TTC7B: variants seen among roughly 807,000 people sequenced by gnomAD.
TTC7B encodes tetratricopeptide repeat domain 7B.
TTC7B carries 28 observed loss-of-function variants against 106.8 expected under a neutral mutation model. The ratio of observed to expected loss-of-function variants is 0.26; its 90% CI spans 0.19 to 0.36. The LOEUF (loss-of-function observed/expected upper bound fraction) is 0.36, where lower values mean the gene tolerates loss of function less well. Among genes scored for constraint, TTC7B ranks in the 10% least tolerant of loss-of-function variants. The pLI is 1.00. For missense variants in TTC7B, 862 were observed against 1,076.4 expected (o/e 0.80, Z 2.79); for synonymous variants, 405 against 430.6 (o/e 0.94, Z 0.74).
Position 90,539,216 on chromosome 14 carries a change from C to G in TTC7B, c.*2152G>C, listed in dbSNP as rs17126875. ...GGAGATGAAGACAATGGAGAGGTGC[C>G]GGGCAGACACACAGGAGCCAGCCCC... On this transcript the variant is annotated 3_prime_UTR_variant, in exon 20 of 20. Coordinates refer to ENST00000328459, the MANE Select transcript of TTC7B (RefSeq NM_001010854.2). 1 of 152,392 alleles carries G rather than the reference C, an allele frequency of 6.6e-6. No homozygotes were observed. Among genetic ancestry groups the G allele is most frequent in the African/African-American group, 2.4e-5 (1 of 41,436 alleles). The allele number at this position is 152,392 out of a possible 1,614,324, so 9.4% of individuals were successfully genotyped here.
At chr14:90,548,034 A>G (rs1307637621) in intron 19 of TTC7B, among the ~76,000 whole-genome samples, 1 of 152,198 alleles carries the variant, frequency 6.6e-6, no homozygotes, top group African/African-American at 2.4e-5. Context: ...TTCCCCAGGC[A>G]TAATGTTTTG....
At chr14:90,766,135 G>T (rs11851083) in intron 3 of TTC7B, among the ~76,000 whole-genome samples, 1,830 of 143,452 alleles carry the variant, frequency 0.013, 52 homozygotes, top group African/African-American at 0.044. Context: ...AGCCTACAAC[G>T]TTTTTTTTTT....
chr14:90,599,063 A>G (rs1183925567), intron 17 of TTC7B, among the ~76,000 whole-genome samples: 3 of 152,222 alleles, frequency 2.0e-5, no homozygotes, highest in African/African-American at 7.2e-5. Flanking sequence ...AGGCAGGAGA[A>G]TCGGTTGAAC....
chr14:90,772,802 T>A (rs764409036), intron 3 of TTC7B: 2 of 151,974 alleles, frequency 1.3e-5, no homozygotes, highest in African/African-American at 4.8e-5. Flanking sequence ...CAAAACCTCA[T>A]CTCTAGAAAA....
intron 18 of TTC7B, among the ~76,000 whole-genome samples, chr14:90,580,852 C>T (rs949976900): frequency 2.0e-5 from 3 of 152,320 alleles, no homozygotes; most frequent in African/African-American, 4.8e-5. Flanking sequence ...CCCTGGCAGG[C>T]GCTGGGGCAG....
chr14:90,799,819 A>G (rs2030136263), intron 1 of TTC7B, among the ~76,000 whole-genome samples: 1 of 151,914 alleles, frequency 6.6e-6, no homozygotes, highest in Non-Finnish European at 1.5e-5. Context: ...AAATGCTCTG[A>G]TTTAAGTTTT....
At chr14:90,661,964 A>C (rs149096659) in intron 9 of TTC7B, among the ~76,000 whole-genome samples, 3 of 152,332 alleles carry the variant, frequency 2.0e-5, no homozygotes, top group Admixed American at 2.0e-4. Context: ...ATTGGTATAG[A>C]ACTGCATTCC....
chr14:90,573,388 T>C (rs1891111180), intron 19 of TTC7B, among the ~76,000 whole-genome samples: 2 of 145,412 alleles, frequency 1.4e-5, no homozygotes, highest in African/African-American at 5.2e-5. Context: ...TCACGGTCCC[T>C]CTCCGGCTCA....
chr14:90,554,640 G>A (rs1437166813), intron 19 of TTC7B, among the ~76,000 whole-genome samples: 1 of 152,206 alleles, frequency 6.6e-6, no homozygotes, highest in Non-Finnish European at 1.5e-5. Context: ...GTTTGCTGTG[G>A]GTCCTGCCCC....
chr14:90,755,265 G>A (rs1286210571), intron 3 of TTC7B, among the ~76,000 whole-genome samples: 4 of 152,146 alleles, frequency 2.6e-5, no homozygotes, highest in Admixed American at 6.5e-5. Context: ...GGACCACGTG[G>A]TAACCTGTCT....
chr14:90,543,342 G>A (rs1010959768), intron 19 of TTC7B, among the ~76,000 whole-genome samples: 1 of 152,074 alleles, frequency 6.6e-6, no homozygotes, highest in African/African-American at 2.4e-5. Context: ...GCAGAGTGAT[G>A]GATTCCTCCT....
At chr14:90,609,172 T>G (rs916616361) in intron 17 of TTC7B, among the ~76,000 whole-genome samples, 2 of 152,226 alleles carry the variant, frequency 1.3e-5, no homozygotes, top group African/African-American at 2.4e-5. Flanking sequence ...CTGCCTGGTG[T>G]GCAGTCTAAG....
chr14:90,543,947 C>T (rs751189654), intron 19 of TTC7B, among the ~76,000 whole-genome samples: 7 of 152,322 alleles, frequency 4.6e-5, no homozygotes, highest in Middle Eastern at 3.4e-3. Context: ...AAGTGGCATC[C>T]AAGAGCCTGA....
rs2030318570 is a variant in TTC7B, at chr14:90,802,207, A to C, written c.121+13968T>G. On this transcript the variant is annotated intron_variant, in intron 1 of 19. Transcript: ENST00000328459. This position sits in a 1 kb window ranked among gnomAD's most constrained non-coding sequence, Gnocchi z 4.7. Reference sequence around the variant, plus strand: ...GGCATCTCAGGGGACTGCGGGGTACAAGCCTAACTCACTGGACTGAGGGTT... The same window carrying C: ...GGCATCTCAGGGGACTGCGGGGTACCAGCCTAACTCACTGGACTGAGGGTT... 6.6e-6 allele frequency among the ~76,000 whole-genome samples: 1 copy of C among 152,190 alleles called. No homozygotes were observed. The highest frequency in any genetic ancestry group is 2.1e-4 in the South Asian group (1 of 4,828).
chr14:90,526,056 G>A lies in TTC7B; in HGVS notation c.*15312C>T, dbSNP rs1362659162. ...CTTTTCTCTGGGGTACATACTAAGA[G>A]AGGAATTCCTGGATAATTCTATGTC... On this transcript the variant is annotated 3_prime_UTR_variant, in exon 20 of 20. Coordinates refer to ENST00000328459, the MANE Select transcript of TTC7B (RefSeq NM_001010854.2). The A allele has an allele frequency of 6.6e-6, 1 of 151,840 alleles. No individual in the cohort carries two copies. The highest frequency in any genetic ancestry group is 1.5e-5 in the Non-Finnish European group (1 of 68,008). The allele number at this position is 151,840 out of a possible 1,614,324, so 9.4% of individuals were successfully genotyped here. A position where few individuals can be genotyped will look rare whatever the true frequency, so the allele number is the denominator to read the frequency against.
chr14:90,710,513 G>A (rs988989033), intron 5 of TTC7B, among the ~76,000 whole-genome samples: 2 of 152,186 alleles, frequency 1.3e-5, no homozygotes, highest in Non-Finnish European at 2.9e-5. Flanking sequence ...GTTCTACTGT[G>A]GGTAAAATGC....
intron 4 of TTC7B, among the ~76,000 whole-genome samples, chr14:90,740,322 C>T (rs901063700): frequency 3.9e-5 from 6 of 151,990 alleles, no homozygotes; most frequent in African/African-American, 1.2e-4. Flanking sequence ...GAATGAGCAC[C>T]GCCCCGGAAG....
At chr14:90,747,566 TA>T (rs1890007442) in intron 3 of TTC7B, among the ~76,000 whole-genome samples, 1 of 152,222 alleles carries the variant, frequency 6.6e-6, no homozygotes, top group Non-Finnish European at 1.5e-5. Context: ...TCAATCTTGG[TA>T]AATGTTACAT....
intron 1 of TTC7B, among the ~76,000 whole-genome samples, chr14:90,789,120 A>C (rs1191757491): frequency 6.6e-6 from 1 of 152,172 alleles, no homozygotes; most frequent in South Asian, 2.1e-4. Flanking sequence ...GTTTTTCTTG[A>C]GACAGAGTTT....
Sources: gnomAD v4.1 joint callset for allele counts (sites outside exome capture counted in the v4.1 genomes callset) on GRCh38, gnomAD v4.1.1 for gene constraint, Gnocchi (gnomAD v3.1) non-coding constraint, MANE v1.5 for transcripts, NCBI Gene and HGNC (gene_info 2026-07-23, HGNC 2026-07-21) for gene names.